Variants in RORB observed in about 807,000 individuals in gnomAD.
The protein encoded by RORB is RAR related orphan receptor B, also known as nuclear receptor ROR-beta.
RORB carries 6 observed loss-of-function variants against 59.1 expected under a neutral mutation model. That is an observed-to-expected ratio of 0.10 (90% confidence interval 0.06 to 0.20). The LOEUF (loss-of-function observed/expected upper bound fraction) is 0.20. Ranked by LOEUF, RORB falls within the 10% of genes least tolerant of loss-of-function variation. RORB has a pLI of 1.00. For synonymous variants in RORB, 215 were observed against 204.5 expected (o/e 1.05, Z -0.44); for missense variants, 320 against 560.5 (o/e 0.57, Z 4.33).
intron 1 of RORB, among the ~76,000 whole-genome samples, chr9:74,588,969 GT>G (rs1490398427): frequency 6.6e-6 from 1 of 151,846 alleles, no homozygotes; most frequent in East Asian, 1.9e-4. Context: ...CCAAAAAGAA[GT>G]GAAGGCTTCA....
At chr9:74,508,032 T>C (rs1288836053) in intron 1 of RORB, among the ~76,000 whole-genome samples, 2 of 152,036 alleles carry the variant, frequency 1.3e-5, no homozygotes, top group Non-Finnish European at 2.9e-5. Context: ...AACTTATTGA[T>C]CTGTTTGCTC....
intron 1 of RORB, among the ~76,000 whole-genome samples, chr9:74,626,483 T>G (rs1823518481): frequency 6.6e-6 from 1 of 152,004 alleles, no homozygotes; most frequent in Admixed American, 6.6e-5. Flanking sequence ...TCTAAGAAAT[T>G]GAAAAAATGA....
chr9:74,672,411 G>A (rs930714948), intron 9 of RORB, among the ~76,000 whole-genome samples: 1 of 152,144 alleles, frequency 6.6e-6, no homozygotes, highest in African/African-American at 2.4e-5. Context: ...CACTTCTCAG[G>A]TATGTTATAA....
At chr9:74,630,941 G>A (rs995290789) in intron 2 of RORB, among the ~76,000 whole-genome samples, 2 of 151,996 alleles carry the variant, frequency 1.3e-5, no homozygotes, top group Admixed American at 6.6e-5. Flanking sequence ...TTCATTTTCC[G>A]ATGAGGTCCT....
chr9:74,574,858 C>G (rs1459167678), intron 1 of RORB, among the ~76,000 whole-genome samples: 2 of 152,124 alleles, frequency 1.3e-5, no homozygotes, highest in African/African-American at 4.8e-5. Context: ...AGCAACACCT[C>G]AGGAAGGAGT....
chr9:74,572,673 A>T (rs1330284736), intron 1 of RORB, among the ~76,000 whole-genome samples: 2 of 152,102 alleles, frequency 1.3e-5, no homozygotes, highest in Non-Finnish European at 2.9e-5. Flanking sequence ...AACCCCTTGG[A>T]ATATTTTTTC....
In RORB at chr9:74,690,058, A is replaced by G. The variant is rs999579716; in HGVS notation, c.*4440A>G. ...TAACAGAAGCACCGTTCAATAGAAC[A>G]GCAATAACCTTAAAGTGTGCATCTG... is the stretch of plus-strand genomic sequence containing the variant. On this transcript the variant is annotated 3_prime_UTR_variant, in exon 10 of 10. Transcript: ENST00000376896. The G allele has an allele frequency of 1.3e-5, 2 of 152,216 alleles. No individual in the cohort carries two copies. The highest frequency in any genetic ancestry group is 2.9e-5 in the Non-Finnish European group (2 of 68,050). 9.4% of individuals were successfully genotyped at this position (152,216 alleles called of 1,614,324 possible).
chr9:74,674,962 T>C (rs1166366622), intron 9 of RORB, among the ~76,000 whole-genome samples: 1 of 152,132 alleles, frequency 6.6e-6, no homozygotes, highest in Non-Finnish European at 1.5e-5. Context: ...TGAGATAAAA[T>C]ATAAGTAAGC....
chr9:74,606,567 G>T (rs1303787179), intron 1 of RORB, among the ~76,000 whole-genome samples: 2 of 152,156 alleles, frequency 1.3e-5, no homozygotes, highest in Non-Finnish European at 2.9e-5. Context: ...ACAAACTTGG[G>T]CTGCACACAG....
rs968596886 is a variant in RORB at position 74,536,020 on chromosome 9, G to A, written c.7+38037G>A. On this transcript the variant is annotated intron_variant, in intron 1 of 9. Transcript: ENST00000376896. Reference sequence around the variant, plus strand: ...GATATTCCCAAATGGAAACAATAGAGTCATATCTAAAAAGTAAATTTATTA... The same window carrying A: ...GATATTCCCAAATGGAAACAATAGAATCATATCTAAAAAGTAAATTTATTA... Among the ~76,000 whole-genome samples, 8 of 151,984 alleles carry A rather than the reference G, an allele frequency of 5.3e-5. No homozygotes were observed. The East Asian group carries it at 1.2e-3, about 22-fold the overall frequency.
intron 1 of RORB, among the ~76,000 whole-genome samples, chr9:74,517,748 G>A (rs1826028747): frequency 6.6e-6 from 1 of 151,786 alleles, no homozygotes; most frequent in Non-Finnish European, 1.5e-5. Flanking sequence ...AATGATCTTG[G>A]AAAAAATATT....
intron 1 of RORB, among the ~76,000 whole-genome samples, chr9:74,507,995 A>G (rs1825891388): frequency 1.3e-5 from 2 of 151,968 alleles, no homozygotes. Flanking sequence ...TATTTTAAAT[A>G]AATTATTTAG....
intron 1 of RORB, among the ~76,000 whole-genome samples, chr9:74,545,133 G>A (rs928848879): frequency 2.0e-5 from 3 of 151,030 alleles, no homozygotes; most frequent in African/African-American, 7.3e-5. Flanking sequence ...TTGGGGTTGA[G>A]GGGTCTTCCT....
At chr9:74,592,284 GC>G (rs1188490463) in intron 1 of RORB, among the ~76,000 whole-genome samples, 1 of 152,060 alleles carries the variant, frequency 6.6e-6, no homozygotes, top group Non-Finnish European at 1.5e-5. Context: ...AAATTATCAG[GC>G]CCCATCTCAT....
intron 6 of RORB, among the ~76,000 whole-genome samples, chr9:74,665,197 G>A (rs554087566): frequency 6.6e-6 from 1 of 152,242 alleles, no homozygotes; most frequent in African/African-American, 2.4e-5. Flanking sequence ...CCTCATATAA[G>A]TATCAAGAAA....
rs187315067 is a variant in RORB at position 74,633,343 on chromosome 9, A to T, written c.94-1288A>T. Among the ~76,000 whole-genome samples the T allele has an allele frequency of 1.3e-4, 20 of 152,282 alleles. No homozygotes were observed. In the East Asian group the frequency reaches 3.9e-3, roughly 29 times the overall value. The stretch of plus-strand genomic sequence containing the variant: ...CCTGTAGATAGTTGAGGAAACACAG[A>T]AGCTGTTTGAGGGAAGTCAGGGGAT... On this transcript the variant is annotated intron_variant, in intron 2 of 9. Transcript: ENST00000376896.
chr9:74,497,473 CTTTT>C lies in RORB; in HGVS notation c.-503_-500del, dbSNP rs905145163. Reference sequence around the variant, plus strand: ...TCTGCCATCCACACCGCCTTTCTTTCTTTTCTTTCTGTTTCCTTTTTTCCCCCTT... The same window carrying C: ...TCTGCCATCCACACCGCCTTTCTTTCCTTTCTGTTTCCTTTTTTCCCCCTT... On this transcript the variant is annotated 5_prime_UTR_variant, in exon 1 of 10. An upstream open reading frame in the 5' UTR loses its in-frame stop. Coordinates refer to ENST00000376896, the MANE Select transcript of RORB (RefSeq NM_006914.4). 16 of 162,538 alleles carry C rather than the reference CTTTT, an allele frequency of 9.8e-5. No homozygotes were observed. The South Asian group carries it at 2.4e-3, about 25-fold the overall frequency. 10.1% of individuals were successfully genotyped at this position (162,538 alleles called of 1,614,324 possible). A position where few individuals can be genotyped will look rare whatever the true frequency, so the allele number is the denominator to read the frequency against.
At chr9:74,607,144 A>G (rs1486124270) in intron 1 of RORB, among the ~76,000 whole-genome samples, 1 of 152,198 alleles carries the variant, frequency 6.6e-6, no homozygotes, top group Non-Finnish European at 1.5e-5. Context: ...CAAAATTACT[A>G]CCATCACCCA....
At chr9:74,567,475 G>A (rs1182868180) in intron 1 of RORB, among the ~76,000 whole-genome samples, 1 of 152,134 alleles carries the variant, frequency 6.6e-6, no homozygotes, top group Admixed American at 6.5e-5. Context: ...CCAAGATAGG[G>A]AAAGGGATAG....
Sources: gnomAD v4.1 joint callset for allele counts (sites outside exome capture counted in the v4.1 genomes callset) on GRCh38, gnomAD v4.1.1 for gene constraint, MANE v1.5 for transcripts, NCBI Gene and HGNC (gene_info 2026-07-23, HGNC 2026-07-21) for gene names.